The following NEBL variants were observed in gnomAD, a reference collection of about 807,000 sequenced individuals.
NEBL encodes the protein nebulette.
A neutral mutation model predicts 140.2 loss-of-function variants in NEBL; 122 were observed. The ratio of observed to expected loss-of-function variants is 0.87; its 90% CI spans 0.75 to 1.01. The LOEUF (loss-of-function observed/expected upper bound fraction) is 1.01, where lower values mean the gene tolerates loss of function less well. Ranked by LOEUF, NEBL falls within the 50% of genes least tolerant of loss-of-function variation. NEBL has a pLI of 0.00. For synonymous variants in NEBL, 436 were observed against 398.9 expected (o/e 1.09, Z -1.11); for missense variants, 1,365 against 1,231.3 (o/e 1.11, Z -1.62).
In NEBL at chr10:21,113,308, C is replaced by CAAAAAAAAAAAAAA. The variant is rs1838130738; in HGVS notation, c.164+59074_164+59075insTTTTTTTTTTTTTT. ...AGAATCCTAAAAAAAAAAAAAAAAC[C>CAAAAAAAAAAAAAA]AGGAAAAAACTCCTAAAACAGCAAA... On this transcript the variant is annotated intron_variant, in intron 2 of 6. Coordinates refer to the NEBL transcript ENST00000417816. 5 of 158,866 alleles carry CAAAAAAAAAAAAAA rather than the reference C, an allele frequency of 3.1e-5. No individual in the cohort carries two copies. In the African/African-American group the frequency reaches 4.2e-4, roughly 13 times the overall value. The allele number at this position is 158,866 out of a possible 1,614,324, so 9.8% of individuals were successfully genotyped here.
chr10:21,265,667 C>T (rs1842789503), intron 1 of NEBL, among the ~76,000 whole-genome samples: 1 of 152,246 alleles, frequency 6.6e-6, no homozygotes, highest in Admixed American at 6.5e-5. Context: ...AAGCTCAGTC[C>T]CACCTGGAAC....
At chr10:20,909,463 A>C (rs1564438260) in intron 4 of NEBL, among the ~76,000 whole-genome samples, 1 of 152,158 alleles carries the variant, frequency 6.6e-6, no homozygotes, top group Non-Finnish European at 1.5e-5. Flanking sequence ...CACACAAATG[A>C]AGCAAATGAA....
chr10:21,227,031 C>T (rs755265977), intron 3 of NEBL, among the ~76,000 whole-genome samples: 2 of 152,064 alleles, frequency 1.3e-5, no homozygotes. Flanking sequence ...TAAGATTTCA[C>T]CAATTCAATT....
chr10:21,030,270 G>T, intron 2 of NEBL: 1 of 621,194 alleles, frequency 1.6e-6, no homozygotes. Context: ...CACCCAAGCT[G>T]GCGAAGTGAA....
At chr10:21,216,051 C>CAT (rs1269052702) in intron 3 of NEBL, among the ~76,000 whole-genome samples, 1 of 152,170 alleles carries the variant, frequency 6.6e-6, no homozygotes, top group East Asian at 1.9e-4. Flanking sequence ...GACAGGTTCA[C>CAT]ATCACAGTTC....
rs118100017 is a variant in NEBL at position 21,048,302 on chromosome 10, A to G, written c.165-28101T>C. On this transcript the variant is annotated intron_variant, in intron 2 of 6. Coordinates refer to the NEBL transcript ENST00000417816. ...ATACCAAATTCCTTCAAGGAGAGTCACAGACCCACAGCATGCTGGGGAAAC... is the reference window on the plus strand; with the variant it reads ...ATACCAAATTCCTTCAAGGAGAGTCGCAGACCCACAGCATGCTGGGGAAAC... Among the ~76,000 whole-genome samples, 270 of 152,278 alleles carry G rather than the reference A, an allele frequency of 1.8e-3. 5 individuals carry two copies. In the East Asian group the frequency reaches 0.05, roughly 28 times the overall value.
intron 4 of NEBL, among the ~76,000 whole-genome samples, chr10:20,956,297 G>C (rs1313428679): frequency 6.6e-6 from 1 of 152,110 alleles, no homozygotes; most frequent in East Asian, 1.9e-4. Flanking sequence ...ATGTCAAAGT[G>C]TTTCAAAATA....
At chr10:20,990,762 C>T (rs1366666007) in intron 3 of NEBL, among the ~76,000 whole-genome samples, 1 of 152,184 alleles carries the variant, frequency 6.6e-6, no homozygotes, top group Non-Finnish European at 1.5e-5. Flanking sequence ...TCTGTCTCAC[C>T]CAGTGTGACT....
chr10:21,028,592 G>C (rs1318783678), intron 2 of NEBL, among the ~76,000 whole-genome samples: 2 of 152,188 alleles, frequency 1.3e-5, no homozygotes, highest in Admixed American at 1.3e-4. Flanking sequence ...AGTATTCTAA[G>C]ATCTTTCTAT....
rs1003011762 is a variant in NEBL at position 20,868,741 on chromosome 10, T to A, written c.607A>T (p.Ile203Leu). ...ATTACAGCGGGCTCTTTATTCATTATTCCTTGTCCTTTCTTGTATTCTGCC... is the reference window on the plus strand; with the variant it reads ...ATTACAGCGGGCTCTTTATTCATTAATCCTTGTCCTTTCTTGTATTCTGCC... ...SNAEYKKGQG[I>L]MNKEPAVIGR... Residue 203 changes from isoleucine (I) to leucine (L), a missense_variant, in exon 7 of 28, where the codon ATA becomes TTA. Physicochemically the swap from Ile to Leu is conservative, Grantham distance 5. Transcript: ENST00000377122. The A allele has an allele frequency of 3.1e-6, 5 of 1,610,252 alleles. No homozygotes were observed. The highest frequency in any genetic ancestry group is 1.7e-4 in the Middle Eastern group (1 of 6,050).
At chr10:21,278,278 G>A (rs1293756997) in intron 1 of NEBL, among the ~76,000 whole-genome samples, 1 of 152,052 alleles carries the variant, frequency 6.6e-6, no homozygotes, top group African/African-American at 2.4e-5. Context: ...CGTCTCTACA[G>A]AATAAAAATA....
At chr10:20,869,165 A>G (rs1351149275) in intron 6 of NEBL, among the ~76,000 whole-genome samples, 2 of 152,230 alleles carry the variant, frequency 1.3e-5, no homozygotes, top group Non-Finnish European at 2.9e-5. Flanking sequence ...GAATACAGTA[A>G]TGATTGATTT....
intron 10 of NEBL, among the ~76,000 whole-genome samples, chr10:20,851,519 T>A (rs899532188): frequency 2.0e-4 from 30 of 151,718 alleles, no homozygotes; most frequent in Middle Eastern, 3.4e-3. Flanking sequence ...CTCACACCTG[T>A]AATCCCAGCA....
intron 2 of NEBL, among the ~76,000 whole-genome samples, chr10:21,049,648 A>C (rs1464570684): frequency 6.6e-6 from 1 of 152,062 alleles, no homozygotes; most frequent in East Asian, 1.9e-4. Context: ...AGTCAAATTA[A>C]ACCAACCGCC....
At chr10:20,838,945 T>C (rs930862010) in intron 13 of NEBL, among the ~76,000 whole-genome samples, 9 of 152,190 alleles carry the variant, frequency 5.9e-5, no homozygotes, top group African/African-American at 1.7e-4. Flanking sequence ...AACATGTATA[T>C]GTATGGAGAA....
At chr10:21,261,756 A>G (rs1038667575) in intron 1 of NEBL, among the ~76,000 whole-genome samples, 15 of 152,192 alleles carry the variant, frequency 9.9e-5, no homozygotes, top group Non-Finnish European at 1.8e-4. Flanking sequence ...AAGGATACTG[A>G]GCCTCGTGAT....
At chr10:21,115,079 G>T (rs1167419752) in intron 2 of NEBL, among the ~76,000 whole-genome samples, 2 of 150,762 alleles carry the variant, frequency 1.3e-5, no homozygotes, top group Non-Finnish European at 1.5e-5. Context: ...GTTTCTTTAG[G>T]CATTTCATTA....
chr10:21,208,768 G>A (rs942214992), intron 3 of NEBL, among the ~76,000 whole-genome samples: 3 of 152,106 alleles, frequency 2.0e-5, no homozygotes, highest in African/African-American at 7.2e-5. Flanking sequence ...ACATTCCATG[G>A]GCTGGAACTC....
chr10:20,799,291 G>A (rs1836867086), intron 26 of NEBL, among the ~76,000 whole-genome samples: 1 of 152,108 alleles, frequency 6.6e-6, no homozygotes, highest in Non-Finnish European at 1.5e-5. Context: ...AAGTAGTGGG[G>A]ACCACAGGTA....
Sources: allele counts gnomAD v4.1 joint callset (sites outside exome capture counted in the v4.1 genomes callset), GRCh38; gene constraint gnomAD v4.1.1; transcripts MANE v1.5; gene names NCBI Gene and HGNC (gene_info 2026-07-23, HGNC 2026-07-21).